RANBP2: variants seen among roughly 807,000 people sequenced by gnomAD.
RANBP2 encodes the protein RAN binding protein 2.
Under a neutral mutation model 303.6 loss-of-function variants are expected in RANBP2, and 57 were observed. The ratio of observed to expected loss-of-function variants is 0.19; its 90% CI spans 0.15 to 0.23. The LOEUF is 0.23. Ranked by LOEUF, RANBP2 falls within the 10% of genes least tolerant of loss-of-function variation. The pLI, the probability that RANBP2 is intolerant of heterozygous loss-of-function variation, is 1.00. For missense variants in RANBP2, 3,138 were observed against 3,780.8 expected, an observed-to-expected ratio of 0.83 and a Z score of 4.46; for synonymous variants, 1,167 against 1,301.5, an observed-to-expected ratio of 0.90 and a Z score of 2.23.
chr2:109,545,227 C>T, the RANBP2 span: 13 of 985,220 alleles, frequency 1.3e-5, no homozygotes, highest in Non-Finnish European at 1.6e-5. Flanking sequence ...CTGAATAGAA[C>T]AAGGCATGAT....
At chr2:108,836,185 G>A in the RANBP2 span, among the ~76,000 whole-genome samples, 1 of 152,038 alleles carries the variant, frequency 6.6e-6, no homozygotes, top group South Asian at 2.1e-4. Context: ...CCCCGCCCCT[G>A]ATGACCACCA....
the RANBP2 span, chr2:109,667,130 T>C: frequency 2.4e-6 from 3 of 1,242,388 alleles, no homozygotes; most frequent in Non-Finnish European, 1.2e-6. Context: ...ATTTTACTTT[T>C]CAGCCAATCC....
the RANBP2 span, among the ~76,000 whole-genome samples, chr2:109,600,802 T>C: frequency 6.6e-6 from 1 of 152,250 alleles, no homozygotes; most frequent in Non-Finnish European, 1.5e-5. Flanking sequence ...TATTTTCCAA[T>C]GCTTCTAACA....
the RANBP2 span, among the ~76,000 whole-genome samples, chr2:108,843,408 G>A: frequency 0.06 from 9,179 of 152,114 alleles, 344 homozygotes; most frequent in Middle Eastern, 0.15. Context: ...TCCACCTGCC[G>A]TGGCCTCCCA....
At chr2:109,404,391 C>G in the RANBP2 span, among the ~76,000 whole-genome samples, 1 of 152,220 alleles carries the variant, frequency 6.6e-6, no homozygotes, top group African/African-American at 2.4e-5. Flanking sequence ...CAGGCCAGCG[C>G]CTGGCCTCTG....
chr2:109,624,137 G>T, the RANBP2 span, among the ~76,000 whole-genome samples: 3 of 152,156 alleles, frequency 2.0e-5, no homozygotes, highest in Non-Finnish European at 4.4e-5. Context: ...AAACACCAAA[G>T]TTCAGCCCAT....
At chr2:109,512,946 G>A in the RANBP2 span, among the ~76,000 whole-genome samples, 1 of 152,232 alleles carries the variant, frequency 6.6e-6, no homozygotes, top group East Asian at 1.9e-4. Context: ...TGGCCTGGCA[G>A]CCTCTTTCTG....
chr2:109,256,033 CCT>C, the RANBP2 span, among the ~76,000 whole-genome samples: 1 of 152,180 alleles, frequency 6.6e-6, no homozygotes, highest in Non-Finnish European at 1.5e-5. Flanking sequence ...CTCTTACTGT[CCT>C]CTTTTTCCTC....
At chr2:108,838,270 T>TC in the RANBP2 span, among the ~76,000 whole-genome samples, 2 of 152,086 alleles carry the variant, frequency 1.3e-5, no homozygotes, top group South Asian at 2.1e-4. Flanking sequence ...GGGCAATCTC[T>TC]CCCCAACTGG....
chr2:109,650,172 G>T, the RANBP2 span, among the ~76,000 whole-genome samples: 1 of 152,194 alleles, frequency 6.6e-6, no homozygotes, highest in Non-Finnish European at 1.5e-5. Flanking sequence ...ATCATCATAC[G>T]TTCTGGTGAG....
At chr2:109,188,430 T>C in the RANBP2 span, among the ~76,000 whole-genome samples, 1 of 152,206 alleles carries the variant, frequency 6.6e-6, no homozygotes. Context: ...GGCCCAGCCA[T>C]CCACACAACA....
chr2:108,910,830 C>T, the RANBP2 span: 2 of 1,613,918 alleles, frequency 1.2e-6, no homozygotes, highest in African/African-American at 2.7e-5. Flanking sequence ...ACGCTCTTCC[C>T]CGGGTGGCTG....
chr2:108,756,047 T>TTTA lies in RANBP2; in HGVS notation c.2466+790_2466+792dup, dbSNP rs201421316. Reference sequence around the variant, plus strand: ...CCCTTTACCGTATTTTTGAAAGTACTTTATGTGTCTCTCTCTTCATCTTCC... The same window carrying TTTA: ...CCCTTTACCGTATTTTTGAAAGTACTTTATTATGTGTCTCTCTCTTCATCTTCC... On this transcript the variant is annotated intron_variant, in intron 17 of 28. Coordinates refer to ENST00000283195, the MANE Select transcript of RANBP2 (RefSeq NM_006267.5). 5.0e-3 allele frequency among the ~76,000 whole-genome samples: 758 copies of TTTA among 152,288 alleles called. 4 individuals are homozygous for TTTA. Among genetic ancestry groups the TTTA allele is most frequent in the South Asian group, 0.021 (101 of 4,822 alleles).
At chr2:109,343,058 C>T in the RANBP2 span, among the ~76,000 whole-genome samples, 6 of 152,166 alleles carry the variant, frequency 3.9e-5, no homozygotes, top group Non-Finnish European at 4.4e-5. Flanking sequence ...CTTCCAAACA[C>T]GTCTGTGGGC....
At chr2:108,859,131 G>T in the RANBP2 span, among the ~76,000 whole-genome samples, 1 of 152,090 alleles carries the variant, frequency 6.6e-6, no homozygotes, top group Non-Finnish European at 1.5e-5. Flanking sequence ...TGTGGTTTTG[G>T]TTTGCATTTC....
the RANBP2 span, among the ~76,000 whole-genome samples, chr2:109,013,768 C>G: frequency 6.6e-6 from 1 of 151,904 alleles, no homozygotes; most frequent in Non-Finnish European, 1.5e-5. Context: ...TTAGTAGAGA[C>G]GGGATTTCAC....
chr2:109,123,112 G>A, the RANBP2 span, among the ~76,000 whole-genome samples: 41 of 152,284 alleles, frequency 2.7e-4, no homozygotes, highest in Non-Finnish European at 5.0e-4. Context: ...CTGCAGGGAG[G>A]AGGAGGCATC....
At chr2:109,043,653 A>G in the RANBP2 span, among the ~76,000 whole-genome samples, 1 of 152,224 alleles carries the variant, frequency 6.6e-6, no homozygotes, top group Admixed American at 6.5e-5. Context: ...TTTTTAAGCA[A>G]TCACAAGCAT....
the RANBP2 span, chr2:109,544,263 A>G: frequency 3.0e-5 from 48 of 1,612,968 alleles, no homozygotes; most frequent in African/African-American, 1.6e-4. Context: ...TTTTTTTAAT[A>G]AAGTTTGCTT....
Sources: gnomAD v4.1 joint callset for allele counts (sites outside exome capture counted in the v4.1 genomes callset) on GRCh38, gnomAD v4.1.1 for gene constraint, MANE v1.5 for transcripts, NCBI Gene and HGNC (gene_info 2026-07-23, HGNC 2026-07-21) for gene names.